FSTL5: variants seen among roughly 807,000 people sequenced by gnomAD.
The protein encoded by FSTL5 is follistatin like 5.
A neutral mutation model predicts 89.1 loss-of-function variants in FSTL5; 62 were observed. That is an observed-to-expected ratio of 0.70 (90% CI 0.57 to 0.86). The LOEUF is 0.86. Among genes scored for constraint, FSTL5 ranks in the 40% least tolerant of loss-of-function variants. The pLI, the probability that FSTL5 is intolerant of heterozygous loss-of-function variation, is 0.00. For synonymous variants in FSTL5, 383 were observed against 346.2 expected (o/e 1.11, Z -1.18); for missense variants, 1,057 against 1,001.6 (o/e 1.06, Z -0.75).
At chr4:161,818,652 G>A (rs1156252899) in intron 4 of FSTL5, among the ~76,000 whole-genome samples, 1 of 152,108 alleles carries the variant, frequency 6.6e-6, no homozygotes, top group Non-Finnish European at 1.5e-5. Flanking sequence ...CACTGCGATG[G>A]GGACAAGGGA....
chr4:161,718,459 C>T (rs1316097980), intron 6 of FSTL5, among the ~76,000 whole-genome samples: 2 of 151,504 alleles, frequency 1.3e-5, no homozygotes, highest in African/African-American at 4.9e-5. Flanking sequence ...GATGGAGTCT[C>T]ACTCTGTCAC....
intron 7 of FSTL5, among the ~76,000 whole-genome samples, chr4:161,609,506 T>C (rs887840094): frequency 6.6e-6 from 1 of 152,168 alleles, no homozygotes; most frequent in Non-Finnish European, 1.5e-5. Flanking sequence ...TTGGATTATG[T>C]AGCAAAAATT....
At chr4:161,903,400 C>G (rs1033689075) in intron 4 of FSTL5, among the ~76,000 whole-genome samples, 4 of 151,992 alleles carry the variant, frequency 2.6e-5, no homozygotes, top group African/African-American at 9.7e-5. Context: ...AAATAAAAAA[C>G]ACTTTTTTCA....
At chr4:161,490,167 C>T (rs975696009) in intron 12 of FSTL5, among the ~76,000 whole-genome samples, 2 of 152,018 alleles carry the variant, frequency 1.3e-5, no homozygotes, top group Admixed American at 1.3e-4. Flanking sequence ...TTCATTATTT[C>T]TTGTCATTAC....
intron 4 of FSTL5, among the ~76,000 whole-genome samples, chr4:161,788,561 C>T (rs1175751154): frequency 2.6e-5 from 4 of 152,048 alleles, no homozygotes; most frequent in South Asian, 2.1e-4. Context: ...TTCACAGGTG[C>T]GTTGAAGAAT....
intron 11 of FSTL5, among the ~76,000 whole-genome samples, chr4:161,501,219 A>T (rs1730285120): frequency 6.6e-6 from 1 of 152,192 alleles, no homozygotes; most frequent in African/African-American, 2.4e-5. Context: ...TAAATAAAAA[A>T]TAATTTTCTA....
At chr4:162,091,319 A>G (rs1363430240) in intron 2 of FSTL5, among the ~76,000 whole-genome samples, 1 of 152,152 alleles carries the variant, frequency 6.6e-6, no homozygotes, top group Admixed American at 6.5e-5. Context: ...ACACACTTAC[A>G]TAAATGATAT....
At chr4:161,721,419 GTTGA>G (rs1181764132) in intron 6 of FSTL5, among the ~76,000 whole-genome samples, 1 of 151,760 alleles carries the variant, frequency 6.6e-6, no homozygotes, top group Non-Finnish European at 1.5e-5. Flanking sequence ...AATTTTTGGA[GTTGA>G]TTAATATATT....
At chr4:162,001,340 A>G (rs1004219318) in intron 3 of FSTL5, among the ~76,000 whole-genome samples, 1 of 150,862 alleles carries the variant, frequency 6.6e-6, no homozygotes, top group African/African-American at 2.5e-5. Flanking sequence ...ATCTATCTAG[A>G]GAGTAAAATT....
chr4:162,101,748 C>T (rs1166879944), intron 2 of FSTL5, among the ~76,000 whole-genome samples: 1 of 152,068 alleles, frequency 6.6e-6, no homozygotes, highest in Admixed American at 6.6e-5. Context: ...CTAAACATGC[C>T]GAATGTCAAG....
intron 6 of FSTL5, among the ~76,000 whole-genome samples, chr4:161,718,275 T>C (rs1314361916): frequency 6.6e-6 from 1 of 152,192 alleles, no homozygotes; most frequent in East Asian, 1.9e-4. Flanking sequence ...ATATAGTAAG[T>C]AAAGAATTAA....
At position 161,384,453 on chromosome 4, in the gene FSTL5, C is replaced by T. The variant is rs1730542221; in HGVS notation, c.*1294G>A. ...CTAGTTTTAATCTACTTCTGCTGGC[C>T]TTCTCATTTCCTCTTAAAACAAAAC... On this transcript the variant is annotated 3_prime_UTR_variant, in exon 16 of 16. Transcript: ENST00000306100. 6.6e-6 allele frequency: 1 copy of T among 152,066 alleles called. No individual in the cohort carries two copies. The highest frequency in any genetic ancestry group is 2.4e-5 in the African/African-American group (1 of 41,432). 9.4% of individuals were successfully genotyped at this position (152,066 alleles called of 1,614,324 possible). A position where few individuals can be genotyped will look rare whatever the true frequency, so the allele number is the denominator to read the frequency against.
At chr4:161,638,261 T>C (rs1043263428) in intron 7 of FSTL5, among the ~76,000 whole-genome samples, 1 of 151,758 alleles carries the variant, frequency 6.6e-6, no homozygotes, top group Non-Finnish European at 1.5e-5. Context: ...TTTGGCTCTC[T>C]GTTTGTCTGT....
intron 3 of FSTL5, among the ~76,000 whole-genome samples, chr4:161,977,625 A>T (rs866068828): frequency 5.7e-4 from 27 of 47,572 alleles, no homozygotes; most frequent in East Asian, 2.4e-3. Flanking sequence ...AAAAAAAAAA[A>T]AAAAAAAAAA....
chr4:161,869,908 C>A (rs1286970182), intron 4 of FSTL5, among the ~76,000 whole-genome samples: 1 of 152,162 alleles, frequency 6.6e-6, no homozygotes, highest in Non-Finnish European at 1.5e-5. Context: ...GTCTTCAGCA[C>A]TCTTCTCCCA....
chr4:162,042,637 C>T (rs1012956264), intron 2 of FSTL5, among the ~76,000 whole-genome samples: 3 of 151,930 alleles, frequency 2.0e-5, no homozygotes, highest in Non-Finnish European at 4.4e-5. Flanking sequence ...ATATAATATA[C>T]TTTTAAAAAA....
chr4:161,550,560 T>C (rs965590980), intron 8 of FSTL5, among the ~76,000 whole-genome samples: 7 of 18,550 alleles, frequency 3.8e-4, no homozygotes, highest in African/African-American at 1.8e-3. Context: ...ACTTCTTTTT[T>C]ATTTATTTAT....
At chr4:161,914,797 A>C (rs1271284081) in intron 4 of FSTL5, among the ~76,000 whole-genome samples, 1 of 152,178 alleles carries the variant, frequency 6.6e-6, no homozygotes, top group East Asian at 1.9e-4. Flanking sequence ...AATTTATTAT[A>C]ATCAAATGTG....
chr4:161,781,998 G>T (rs1266814689), intron 4 of FSTL5, among the ~76,000 whole-genome samples: 1 of 152,056 alleles, frequency 6.6e-6, no homozygotes, highest in East Asian at 1.9e-4. Context: ...ACAGCATGTA[G>T]ATTTTTTTCA....
Sources: gnomAD v4.1 joint callset for allele counts (sites outside exome capture counted in the v4.1 genomes callset) on GRCh38, gnomAD v4.1.1 for gene constraint, MANE v1.5 for transcripts, NCBI Gene and HGNC (gene_info 2026-07-23, HGNC 2026-07-21) for gene names.